The following KCTD8 variants were observed in gnomAD, a reference collection of about 807,000 sequenced individuals.
KCTD8 encodes BTB/POZ domain-containing protein KCTD8.
KCTD8 carries 27 observed loss-of-function variants against 31.5 expected under a neutral mutation model. The ratio of observed to expected loss-of-function variants is 0.86; its 90% CI spans 0.63 to 1.18. The LOEUF is 1.18. Ranked by LOEUF, KCTD8 falls within the 50% of genes most tolerant of loss-of-function variation. KCTD8 has a pLI of 0.00. For synonymous variants in KCTD8, 290 were observed against 280.0 expected, an observed-to-expected ratio of 1.04 and a Z score of -0.36; for missense variants, 658 against 647.7, an observed-to-expected ratio of 1.02 and a Z score of -0.17.
At chr4:44,421,175 A>G (rs1721201514) in intron 1 of KCTD8, among the ~76,000 whole-genome samples, 1 of 152,158 alleles carries the variant, frequency 6.6e-6, no homozygotes, top group Non-Finnish European at 1.5e-5. Flanking sequence ...TTTTAAGCAC[A>G]TAGCCTCAAT....
rs553962152 is a variant in KCTD8 at position 44,303,462 on chromosome 4, C to T, written c.962-128212G>A. Among the ~76,000 whole-genome samples, 83 of 141,512 alleles carry T rather than the reference C, an allele frequency of 5.9e-4. No homozygotes were observed. In the Middle Eastern group the frequency reaches 0.015, roughly 25 times the overall value. 92.8% of individuals were successfully genotyped at this position (141,512 alleles called of 152,430 possible). Reference sequence around the variant, plus strand: ...TTTAGTCTTGGGAAAGTGTATGTGTCGAGGAATTTATCCATTTCTTCTAGA... The same window carrying T: ...TTTAGTCTTGGGAAAGTGTATGTGTTGAGGAATTTATCCATTTCTTCTAGA... On this transcript the variant is annotated intron_variant, in intron 1 of 1. Transcript: ENST00000360029.
At chr4:44,235,430 T>G (rs1040291088) in intron 1 of KCTD8, among the ~76,000 whole-genome samples, 1 of 146,068 alleles carries the variant, frequency 6.8e-6, no homozygotes, top group African/African-American at 2.5e-5. Flanking sequence ...TATACATACA[T>G]AAACATCTCT....
At chr4:44,381,323 C>A (rs1229033395) in intron 1 of KCTD8, among the ~76,000 whole-genome samples, 1 of 151,960 alleles carries the variant, frequency 6.6e-6, no homozygotes, top group Non-Finnish European at 1.5e-5. Context: ...AAAATTAACA[C>A]ACAAAAGTCA....
chr4:44,224,905 ACT>A (rs1553894253), intron 1 of KCTD8, among the ~76,000 whole-genome samples: 2 of 70 alleles, frequency 0.029, no homozygotes, highest in Non-Finnish European at 0.071. Context: ...AGGAGACATC[ACT>A]ACTTCTTAAC....
At chr4:44,342,021 T>G (rs1258309647) in intron 1 of KCTD8, among the ~76,000 whole-genome samples, 1 of 152,192 alleles carries the variant, frequency 6.6e-6, no homozygotes. Context: ...AATCTCTTTA[T>G]AAATCTCCAT....
At chr4:44,380,917 AT>A (rs1211081792) in intron 1 of KCTD8, among the ~76,000 whole-genome samples, 1 of 151,872 alleles carries the variant, frequency 6.6e-6, no homozygotes, top group African/African-American at 2.4e-5. Context: ...CCTTCCTTTA[AT>A]TTTTTTACAT....
At chr4:44,277,209 AG>A (rs1716775640) in intron 1 of KCTD8, among the ~76,000 whole-genome samples, 1 of 151,856 alleles carries the variant, frequency 6.6e-6, no homozygotes, top group African/African-American at 2.4e-5. Context: ...GAAATATTAA[AG>A]GAAAGAAGAT....
At chr4:44,388,817 A>G (rs1214572877) in intron 1 of KCTD8, among the ~76,000 whole-genome samples, 1 of 151,866 alleles carries the variant, frequency 6.6e-6, no homozygotes, top group Non-Finnish European at 1.5e-5. Flanking sequence ...AAGTTTACCT[A>G]TGTAACAAAC....
chr4:44,382,863 T>A lies in KCTD8; in HGVS notation c.961+64700A>T, dbSNP rs1165842876. Among the ~76,000 whole-genome samples the A allele has an allele frequency of 3.3e-5, 5 of 151,754 alleles. No individual in the cohort carries two copies. The South Asian group carries it at 8.3e-4, about 25-fold the overall frequency. On this transcript the variant is annotated intron_variant, in intron 1 of 1. Transcript: ENST00000360029. ...GAGATCCAAATTGGAAAGAAGAAAG[T>A]CAAACTGTTCCTGTTTGCAGATGAC...
At chr4:44,427,670 A>G (rs528155484) in intron 1 of KCTD8, among the ~76,000 whole-genome samples, 1 of 151,806 alleles carries the variant, frequency 6.6e-6, no homozygotes, top group African/African-American at 2.4e-5. Context: ...AACCACACTA[A>G]TAAAAATAGT....
chr4:44,276,963 G>T (rs1032408218), intron 1 of KCTD8, among the ~76,000 whole-genome samples: 5 of 151,988 alleles, frequency 3.3e-5, no homozygotes, highest in African/African-American at 1.2e-4. Flanking sequence ...TCCCAGCCTA[G>T]CTACTTAACT....
intron 1 of KCTD8, among the ~76,000 whole-genome samples, chr4:44,236,205 C>T (rs1173349033): frequency 1.3e-5 from 2 of 152,174 alleles, no homozygotes; most frequent in African/African-American, 2.4e-5. Flanking sequence ...TCATCATTCT[C>T]CCATGCTCCC....
intron 1 of KCTD8, among the ~76,000 whole-genome samples, chr4:44,413,528 A>G (rs1019581724): frequency 3.9e-5 from 6 of 152,220 alleles, no homozygotes; most frequent in Non-Finnish European, 8.8e-5. Flanking sequence ...TAACACATAA[A>G]TGATAAAATG....
At chr4:44,267,065 C>T (rs905523005) in intron 1 of KCTD8, among the ~76,000 whole-genome samples, 4 of 152,176 alleles carry the variant, frequency 2.6e-5, no homozygotes, top group African/African-American at 9.7e-5. Context: ...CTATAGAACT[C>T]TCCACCCCAA....
intron 1 of KCTD8, among the ~76,000 whole-genome samples, chr4:44,316,752 C>A (rs1039718314): frequency 7.7e-6 from 1 of 130,712 alleles, no homozygotes; most frequent in Admixed American, 8.7e-5. Flanking sequence ...AGATCGAGAC[C>A]ATCCTGGCTA....
chr4:44,268,127 T>C (rs928877285), intron 1 of KCTD8, among the ~76,000 whole-genome samples: 22 of 152,172 alleles, frequency 1.4e-4, no homozygotes, highest in African/African-American at 7.2e-5. Flanking sequence ...TGATGAACAT[T>C]GATGCAAAAA....
chr4:44,390,132 T>C (rs1720331008), intron 1 of KCTD8, among the ~76,000 whole-genome samples: 1 of 152,052 alleles, frequency 6.6e-6, no homozygotes, highest in Admixed American at 6.6e-5. Context: ...AGAAGCATTT[T>C]AGTTTAATTA....
At chr4:44,382,422 T>C (rs1446587648) in intron 1 of KCTD8, among the ~76,000 whole-genome samples, 1 of 152,004 alleles carries the variant, frequency 6.6e-6, no homozygotes, top group African/African-American at 2.4e-5. Context: ...CTGAGAGCTT[T>C]TCTGTAAGAA....
intron 1 of KCTD8, among the ~76,000 whole-genome samples, chr4:44,266,902 G>C (rs1475508991): frequency 6.6e-6 from 1 of 151,386 alleles, no homozygotes; most frequent in Admixed American, 6.6e-5. Flanking sequence ...AGCAAGTCCT[G>C]AGTGACCTAC....
Sources: gnomAD v4.1 joint callset for allele counts (sites outside exome capture counted in the v4.1 genomes callset) on GRCh38, gnomAD v4.1.1 for gene constraint, MANE v1.5 for transcripts, NCBI Gene and HGNC (gene_info 2026-07-23, HGNC 2026-07-21) for gene names.